FMNL3: variants seen among roughly 807,000 people sequenced by gnomAD.
The protein encoded by FMNL3 is formin-like protein 3.
A neutral mutation model predicts 119.6 loss-of-function variants in FMNL3; 57 were observed. The observed-to-expected ratio is 0.48, with a 90% CI of 0.39 to 0.59. FMNL3 has a LOEUF of 0.59. Ranked by LOEUF, FMNL3 falls within the 20% of genes least tolerant of loss-of-function variation. FMNL3 has a pLI of 0.00. For missense variants in FMNL3, 1,053 were observed against 1,323.5 expected (o/e 0.80, Z 3.17); for synonymous variants, 491 against 507.3 (o/e 0.97, Z 0.43).
At chr12:49,668,354 A>C (rs1943947972) in intron 2 of FMNL3, 117 bp downstream of exon 2, 4 of 900,674 alleles carry the variant, frequency 4.4e-6, no homozygotes, top group Non-Finnish European at 7.0e-6. Context: ...GATGAGGCCA[A>C]GCTTAGGCCA....
Position 49,642,957 on chromosome 12 carries a change from G to A in FMNL3, c.*2858C>T. 6.2e-7 allele frequency: 1 copy of A among 1,613,784 alleles called. No individual in the cohort carries two copies. Among genetic ancestry groups the A allele is most frequent in the African/African-American group, 1.3e-5 (1 of 75,036 alleles). On this transcript the variant is annotated 3_prime_UTR_variant, in exon 26 of 26. Coordinates refer to ENST00000335154, the MANE Select transcript of FMNL3 (RefSeq NM_175736.5). The surrounding 1 kb of genome is among the most constrained non-coding windows in gnomAD (Gnocchi z 5.8). ...TGAATGCCAGCACCTCCACACCAAA[G>A]GCCGAAAGCATGGCAGGAAAGGCAA...
Position 49,658,454 on chromosome 12 carries a change from T to C in FMNL3, c.593A>G (p.Gln198Arg), listed in dbSNP as rs781411476. 1.2e-6 allele frequency: 2 copies of C among 1,606,452 alleles called. No individual in the cohort carries two copies. Among genetic ancestry groups the C allele is most frequent in the Non-Finnish European group, 1.7e-6 (2 of 1,175,462 alleles). The change falls in exon 6 of 26, where the codon CAG becomes CGG. Residue 198 changes from glutamine (Q) to arginine (R), a missense_variant. Gln to Arg is a conservative substitution (Grantham distance 43, BLOSUM62 1). Around this residue, in one of 4 missense-constraint regions of FMNL3, gnomAD observed 264 missense variants for 265.5 expected, o/e 0.99. Transcript: ENST00000335154. ...AAAGCACACATACCGGAGCACAGACTGGCGCGCAGAGCGAGCGAGGCTGTT... is the reference window on the plus strand; with the variant it reads ...AAAGCACACATACCGGAGCACAGACCGGCGCGCAGAGCGAGCGAGGCTGTT... ...FTNSLARSAR[Q>R]SVLRYSTLPG... is the part of the protein sequence containing the mutation.
In FMNL3 at chr12:49,649,567, C is replaced by T. The variant is rs184467890; in HGVS notation, c.2236-29G>A. 53 of 1,613,994 alleles carry T rather than the reference C, an allele frequency of 3.3e-5. No homozygotes were observed. The highest frequency in any genetic ancestry group is 1.3e-4 in the Admixed American group (8 of 60,016). On this transcript the variant is annotated intron_variant, in intron 18 of 25. Coordinates refer to ENST00000335154, the MANE Select transcript of FMNL3 (RefSeq NM_175736.5). This position sits in a 1 kb window ranked among gnomAD's most constrained non-coding sequence, Gnocchi z 5.6. ...TAGGACAATATGAACACTGAAGTAACCCCAGGCTGAGATGGGGTAAAGACA... is the reference window on the plus strand; with the variant it reads ...TAGGACAATATGAACACTGAAGTAATCCCAGGCTGAGATGGGGTAAAGACA...
chr12:49,703,245 C>T (rs1327821451), intron 1 of FMNL3, among the ~76,000 whole-genome samples: 1 of 152,216 alleles, frequency 6.6e-6, no homozygotes, highest in Non-Finnish European at 1.5e-5. Context: ...AGCCCTCTGC[C>T]TCCCCTCTCT....
At chr12:49,693,519 A>G (rs1177677135) in intron 1 of FMNL3, among the ~76,000 whole-genome samples, 4 of 151,232 alleles carry the variant, frequency 2.6e-5, no homozygotes, top group Non-Finnish European at 5.9e-5. Flanking sequence ...CTGGGACTAT[A>G]AGCACGCACC....
Position 49,649,134 on chromosome 12 carries a change from G to A in FMNL3, c.2410C>T (p.Arg804Trp), listed in dbSNP as rs376073981. The part of the protein sequence containing the change: ...DLLLDTKSTD[R>W]KMTLLHFIAL... Reference sequence around the variant, plus strand: ...ATGAAATGAAGCAGTGTCATCTTCCGGTCAGTGGACTTGGTATCCAGCAGC... The same window carrying A: ...ATGAAATGAAGCAGTGTCATCTTCCAGTCAGTGGACTTGGTATCCAGCAGC... Residue 804 changes from arginine (R) to tryptophan (W), a missense_variant, in exon 21 of 26, where the codon CGG becomes TGG. Physicochemically the swap from Arg to Trp is moderately radical, Grantham distance 101. Around this residue, in one of 4 missense-constraint regions of FMNL3, gnomAD observed 324 missense variants for 380.9 expected, o/e 0.85. Transcript: ENST00000335154. The surrounding 1 kb of genome is among the most constrained non-coding windows in gnomAD (Gnocchi z 5.6). 10 of 1,613,354 alleles carry A rather than the reference G, an allele frequency of 6.2e-6. No individual in the cohort carries two copies. The highest frequency in any genetic ancestry group is 8.5e-6 in the Non-Finnish European group (10 of 1,179,654).
intron 17 of FMNL3, 76 bp downstream of exon 17, chr12:49,650,600 G>A (rs1943365852): frequency 6.5e-7 from 1 of 1,539,278 alleles, no homozygotes; most frequent in Non-Finnish European, 8.9e-7. Flanking sequence ...TGGAATCTAG[G>A]GAAACCCAGG....
chr12:49,688,240 A>G (rs1944517235), intron 1 of FMNL3, among the ~76,000 whole-genome samples: 1 of 152,028 alleles, frequency 6.6e-6, no homozygotes, highest in Non-Finnish European at 1.5e-5. Flanking sequence ...AGCCACCATC[A>G]CCCTGCAGGG....
At chr12:49,696,937 T>C (rs1179451829) in intron 1 of FMNL3, among the ~76,000 whole-genome samples, 1 of 152,162 alleles carries the variant, frequency 6.6e-6, no homozygotes, top group Non-Finnish European at 1.5e-5. Flanking sequence ...CACTTCCCAT[T>C]CCTCCAGGCT....
chr12:49,672,662 G>A (rs2138892314), intron 1 of FMNL3, among the ~76,000 whole-genome samples: 1 of 152,286 alleles, frequency 6.6e-6, no homozygotes. Flanking sequence ...AGCTCTGGTG[G>A]CAGAGGTTCC....
rs1943168496 is a variant in FMNL3 at position 49,646,008 on chromosome 12, G to T, written c.2996-105C>A. 4.3e-6 allele frequency: 4 copies of T among 929,872 alleles called. No homozygotes were observed. The Admixed American group carries it at 1.1e-4, about 25-fold the overall frequency. 57.6% of individuals were successfully genotyped at this position (929,872 alleles called of 1,614,324 possible). ...GGGCCAGGGAGGAGCCAGCAGTGAGGCAGATAAACAGGAGGCTTAGATAAG... is the reference window on the plus strand; with the variant it reads ...GGGCCAGGGAGGAGCCAGCAGTGAGTCAGATAAACAGGAGGCTTAGATAAG... On this transcript the variant is annotated intron_variant, in intron 25 of 25. Transcript: ENST00000335154.
At chr12:49,660,000 A>G in intron 5 of FMNL3, 5 of 981,514 alleles carry the variant, frequency 5.1e-6, no homozygotes, top group Non-Finnish European at 6.1e-6. Flanking sequence ...GAATGTTCCA[A>G]AGGAAGTGGG....
rs1179048988 is a variant in FMNL3 at position 49,650,767 on chromosome 12, T to A, written c.1909A>T (p.Thr637Ser). The A allele has an allele frequency of 6.2e-7, 1 of 1,614,138 alleles. No individual in the cohort carries two copies. The highest frequency in any genetic ancestry group is 1.1e-5 in the South Asian group (1 of 91,078). ...TTGGCACGATTGGCTTCCAACAGAG[T>A]CACCTTGCTGGCAGCTTTTTGCGCT... The part of the protein sequence containing the change: ...KTAQKAASKV[T>S]LLEANRAKNL... The change falls in exon 17 of 26, where the codon ACT becomes TCT. Residue 637 changes from threonine (T) to serine (S), a missense_variant. Thr to Ser is a moderately conservative substitution (Grantham distance 58). Coordinates refer to ENST00000335154, the MANE Select transcript of FMNL3 (RefSeq NM_175736.5).
At chr12:49,669,380 AG>A (rs1943979635) in intron 1 of FMNL3, among the ~76,000 whole-genome samples, 1 of 152,216 alleles carries the variant, frequency 6.6e-6, no homozygotes, top group South Asian at 2.1e-4. Flanking sequence ...TGACTGAATA[AG>A]GTACGAGAGA....
intron 2 of FMNL3, among the ~76,000 whole-genome samples, chr12:49,666,809 A>C (rs369254581): frequency 1.3e-5 from 2 of 152,062 alleles, no homozygotes. Context: ...AAAAAAAATT[A>C]AAAAAAGATA....
At chr12:49,694,093 T>C (rs1030834291) in intron 1 of FMNL3, among the ~76,000 whole-genome samples, 2 of 152,090 alleles carry the variant, frequency 1.3e-5, no homozygotes, top group Non-Finnish European at 2.9e-5. Flanking sequence ...AGCTAATTTT[T>C]ATTTTTGTAG....
chr12:49,687,242 C>T (rs539078364), intron 1 of FMNL3, among the ~76,000 whole-genome samples: 9 of 151,070 alleles, frequency 6.0e-5, no homozygotes, highest in South Asian at 4.2e-4. Context: ...TACAGGTGCC[C>T]GCCACCACGC....
In FMNL3 at chr12:49,707,391, A is replaced by G. The variant is rs1200757050; in HGVS notation, c.-211T>C. On this transcript the variant is annotated 5_prime_UTR_variant, in exon 1 of 26. Coordinates refer to ENST00000335154, the MANE Select transcript of FMNL3 (RefSeq NM_175736.5). The stretch of plus-strand genomic sequence containing the variant: ...GCGTAGCGGACAGCCGCACCGAAGC[A>G]AGGCGGACGGAGGCGGCCGGCTCTT... 24 of 383,148 alleles carry G rather than the reference A, an allele frequency of 6.3e-5. No individual in the cohort carries two copies. The East Asian group carries it at 9.6e-4, about 15-fold the overall frequency. The allele number at this position is 383,148 out of a possible 1,614,324, so 23.7% of individuals were successfully genotyped here.
At position 49,637,673 on chromosome 12, in the gene FMNL3, C is replaced by T; in HGVS notation, c.*8142G>A. ...CCTACTACCGGCTCCTGTCCTCGGC[C>T]CAGCCCCCAGGCCTTGGGAAGCTGC... On this transcript the variant is annotated 3_prime_UTR_variant, in exon 26 of 26. Transcript: ENST00000335154. 3 of 1,528,704 alleles carry T rather than the reference C, an allele frequency of 2.0e-6. No individual in the cohort carries two copies. The highest frequency in any genetic ancestry group is 2.7e-6 in the Non-Finnish European group (3 of 1,117,126). The allele number at this position is 1,528,704 out of a possible 1,614,324, so 94.7% of individuals were successfully genotyped here.
Sources: gnomAD v4.1 joint callset for allele counts (sites outside exome capture counted in the v4.1 genomes callset) on GRCh38, gnomAD v4.1.1 for gene constraint, gnomAD v4.1.1 regional missense constraint, Gnocchi (gnomAD v3.1) non-coding constraint, MANE v1.5 for transcripts, NCBI Gene and HGNC (gene_info 2026-07-23, HGNC 2026-07-21) for gene names.